The following GTF3C2 variants were observed in gnomAD, a reference collection of about 807,000 sequenced individuals.
GTF3C2 encodes the protein general transcription factor IIIC subunit 2.
GTF3C2 carries 17 observed loss-of-function variants against 117.4 expected under a neutral mutation model. The ratio of observed to expected loss-of-function variants is 0.14; its 90% CI spans 0.10 to 0.22. GTF3C2 has a LOEUF of 0.22. GTF3C2 is among the 10% of genes least tolerant of loss of function. The pLI is 1.00. For synonymous variants in GTF3C2, 437 were observed against 427.0 expected, an observed-to-expected ratio of 1.02 and a Z score of -0.29; for missense variants, 888 against 1,143.6, an observed-to-expected ratio of 0.78 and a Z score of 3.22.
chr2:27,329,340 G>C lies in GTF3C2; in HGVS notation c.1877+39C>G. On this transcript the variant is annotated intron_variant, in intron 13 of 18. Coordinates refer to ENST00000264720, the Ensembl canonical transcript of GTF3C2. This position sits in a 1 kb window ranked among gnomAD's most constrained non-coding sequence, Gnocchi z 4.5. ...CAAATCCGGAAGTCAGCCTGTCCCA[G>C]TCTTCACCTTCCCCCTCCACATACC... 2 of 1,613,838 alleles carry C rather than the reference G, an allele frequency of 1.2e-6. No individual in the cohort carries two copies. The highest frequency in any genetic ancestry group is 1.7e-6 in the Non-Finnish European group (2 of 1,179,732).
rs1256329820 is a variant in GTF3C2, at chr2:27,335,771, T to C, written c.1468-65A>G. ...CTGACTCACAGAAAACCTTTGAGGT[T>C]CTAGTCCCTGAAATACTGTATGAAG... is the stretch of plus-strand genomic sequence containing the variant. On this transcript the variant is annotated intron_variant, in intron 9 of 18. Transcript: ENST00000264720. 2.5e-6 allele frequency: 3 copies of C among 1,191,822 alleles called. No individual in the cohort carries two copies. The East Asian group carries it at 7.6e-5, about 30-fold the overall frequency. The allele number at this position is 1,191,822 out of a possible 1,614,324, so 73.8% of individuals were successfully genotyped here.
chr2:27,338,736 C>T (rs1177788472), intron 4 of GTF3C2, among the ~76,000 whole-genome samples: 2 of 151,782 alleles, frequency 1.3e-5, no homozygotes, highest in Non-Finnish European at 2.9e-5. Context: ...GACAAGGTTT[C>T]GCCATGGCCC....
At chr2:27,347,069 G>T (rs1245452398) in intron 1 of GTF3C2, among the ~76,000 whole-genome samples, 1 of 152,106 alleles carries the variant, frequency 6.6e-6, no homozygotes, top group African/African-American at 2.4e-5. Flanking sequence ...CAAAAAATTA[G>T]TTGTATAACC....
chr2:27,332,912 C>A (rs956204193), intron 12 of GTF3C2, among the ~76,000 whole-genome samples: 4 of 151,692 alleles, frequency 2.6e-5, no homozygotes, highest in African/African-American at 9.7e-5. Flanking sequence ...GACAGGCTTT[C>A]ACCATGTTGG....
At chr2:27,352,381 A>C (rs1558625106) in intron 1 of GTF3C2, among the ~76,000 whole-genome samples, 1 of 152,204 alleles carries the variant, frequency 6.6e-6, no homozygotes, top group Non-Finnish European at 1.5e-5. Flanking sequence ...CAAAGCCGTT[A>C]GGTGGGAGAT....
chr2:27,338,748 G>A (rs889467702), intron 4 of GTF3C2, among the ~76,000 whole-genome samples: 1 of 151,756 alleles, frequency 6.6e-6, no homozygotes, highest in African/African-American at 2.4e-5. Context: ...CCATGGCCCA[G>A]ACTGGTTTTG....
At chr2:27,341,570 A>T (rs1180224203) in intron 4 of GTF3C2, 1 of 180,848 alleles carries the variant, frequency 5.5e-6, no homozygotes, top group African/African-American at 2.4e-5. Flanking sequence ...TCAAGAAGCA[A>T]TTCAACTATC....
At chr2:27,328,339 A>G (rs1348318407) in intron 16 of GTF3C2, 129 bp downstream of exon 16, 2 of 1,077,520 alleles carry the variant, frequency 1.9e-6, no homozygotes, top group Non-Finnish European at 2.8e-6. Context: ...AAGATTATAT[A>G]CAACTCTGTG....
chr2:27,328,241 AG>A, intron 16 of GTF3C2, 52 bp from the exon 17 acceptor site: 1 of 1,418,922 alleles, frequency 7.0e-7, no homozygotes, highest in Non-Finnish European at 9.7e-7. Context: ...ACAGAATAAA[AG>A]CAGAGGAAAG....
chr2:27,328,740 C>T, intron 15 of GTF3C2, 104 bp downstream of exon 15: 1 of 1,038,302 alleles, frequency 9.6e-7, no homozygotes, highest in Non-Finnish European at 1.5e-6. Context: ...TTACAACATC[C>T]CTATCTTCTC....
intron 4 of GTF3C2, chr2:27,341,455 T>C (rs982898836): frequency 1.9e-5 from 3 of 157,770 alleles, no homozygotes; most frequent in African/African-American, 7.2e-5. Flanking sequence ...TGTCCTTTCA[T>C]ATTCTCCAGT....
exon 17 of GTF3C2, chr2:27,328,081 C>T (rs1215803537): frequency 6.2e-7 from 1 of 1,611,632 alleles, no homozygotes; most frequent in Non-Finnish European, 8.5e-7. Context: ...TTGACAGTTT[C>T]AGTGTAAGTT....
chr2:27,336,386 C>A, exon 8 of GTF3C2: 3 of 1,612,052 alleles, frequency 1.9e-6, no homozygotes, highest in Non-Finnish European at 2.5e-6. Flanking sequence ...TGAAGAAGGA[C>A]ACATCCCAGC....
At chr2:27,336,523 G>C (rs1169769115) in intron 7 of GTF3C2, 98 bp from the exon 8 acceptor site, 7 of 692,008 alleles carry the variant, frequency 1.0e-5, no homozygotes, top group Non-Finnish European at 1.8e-5. Flanking sequence ...ACTGGCTCAA[G>C]CAAGAGCCTG....
At chr2:27,341,916 T>C in intron 4 of GTF3C2, 32 bp downstream of exon 4, 4 of 1,584,402 alleles carry the variant, frequency 2.5e-6, no homozygotes, top group Non-Finnish European at 2.6e-6. Flanking sequence ...TCCTACTATG[T>C]CCCCATTCAC....
chr2:27,344,269 C>T (rs1048924668), intron 1 of GTF3C2, among the ~76,000 whole-genome samples: 3 of 152,110 alleles, frequency 2.0e-5, no homozygotes, highest in African/African-American at 4.8e-5. Context: ...GGTGATCCAC[C>T]CGCCTCAACC....
At chr2:27,334,664 A>G (rs1039977170) in intron 10 of GTF3C2, among the ~76,000 whole-genome samples, 17 of 150,112 alleles carry the variant, frequency 1.1e-4, no homozygotes, top group African/African-American at 3.9e-4. Flanking sequence ...TTTTTTTCAG[A>G]CAGCATCTCA....
Position 27,329,528 on chromosome 2 carries a change from A to G in GTF3C2, c.1733-5T>C, listed in dbSNP as rs375695294. ...GGTTCCAGAAAACCACCATGCCTGA[A>G]ATAAGGACAGAATGTGTGAGCATTA... On this transcript the variant is annotated splice_polypyrimidine_tract_variant and splice_region_variant and intron_variant, in intron 12 of 18. Coordinates refer to ENST00000264720, the Ensembl canonical transcript of GTF3C2. This position sits in a 1 kb window ranked among gnomAD's most constrained non-coding sequence, Gnocchi z 4.5. 6.2e-7 allele frequency: 1 copy of G among 1,613,658 alleles called. No homozygotes were observed. The highest frequency in any genetic ancestry group is 1.3e-5 in the African/African-American group (1 of 74,914).
At chr2:27,353,259 G>A (rs1207896752) in intron 1 of GTF3C2, among the ~76,000 whole-genome samples, 2 of 151,598 alleles carry the variant, frequency 1.3e-5, no homozygotes, top group Admixed American at 6.6e-5. Context: ...TGGGTGTGGC[G>A]GCACACCCCT....
Sources: gnomAD v4.1 joint callset for allele counts (sites outside exome capture counted in the v4.1 genomes callset) on GRCh38, gnomAD v4.1.1 for gene constraint, Gnocchi (gnomAD v3.1) non-coding constraint, MANE v1.5 for transcripts, NCBI Gene and HGNC (gene_info 2026-07-23, HGNC 2026-07-21) for gene names.